Variants in ADAM7 observed in about 807,000 individuals in gnomAD.
The protein encoded by ADAM7 is disintegrin and metalloproteinase domain-containing protein 7.
ADAM7 carries 97 observed loss-of-function variants against 102.9 expected under a neutral mutation model. That is an observed-to-expected ratio of 0.94 (90% CI 0.80 to 1.12). The LOEUF (loss-of-function observed/expected upper bound fraction) is 1.12. Ranked by LOEUF, ADAM7 falls within the 50% of genes most tolerant of loss-of-function variation. The probability of loss-of-function intolerance (pLI) is 0.00; values close to 1 mark genes in which losing one functional copy is unlikely to be tolerated. For missense variants in ADAM7, 991 were observed against 908.7 expected (o/e 1.09, Z -1.16); for synonymous variants, 334 against 304.4 (o/e 1.10, Z -1.01).
chr8:24,454,926 G>A (rs1302175939), intron 3 of ADAM7, among the ~76,000 whole-genome samples: 4 of 152,116 alleles, frequency 2.6e-5, no homozygotes, highest in African/African-American at 4.8e-5. Context: ...CTGTGGAAAC[G>A]TTGATTGGGT....
Position 24,493,230 on chromosome 8 carries a change from G to T in ADAM7, c.1842+1G>T. Reference sequence around the variant, plus strand: ...AGGAACAAAATGTGGAGAGGGAATGGTAAGACAAAAGCCCTTTGTTTTATT... The same window carrying T: ...AGGAACAAAATGTGGAGAGGGAATGTTAAGACAAAAGCCCTTTGTTTTATT... On this transcript the variant is annotated splice_donor_variant, in intron 16 of 21. Coordinates refer to ENST00000175238, the MANE Select transcript of ADAM7 (RefSeq NM_003817.4). LOFTEE classifies it high-confidence loss of function. 2 of 1,592,030 alleles carry T rather than the reference G, an allele frequency of 1.3e-6. No homozygotes were observed. The highest frequency in any genetic ancestry group is 2.3e-5 in the South Asian group (2 of 86,570).
At position 24,493,066 on chromosome 8, in the gene ADAM7, A is replaced by G. The variant is rs749974238; in HGVS notation, c.1679A>G (p.Tyr560Cys). 5 of 1,598,902 alleles carry G rather than the reference A, an allele frequency of 3.1e-6. No individual in the cohort carries two copies. In the African/African-American group the frequency reaches 4.1e-5, roughly 13 times the overall value. The change falls in exon 16 of 22, where the codon TAC (tyrosine) becomes TGC (cysteine). Residue 560 changes from tyrosine to cysteine, a missense_variant. Physicochemically the swap from Tyr to Cys is radical, Grantham distance 194 (BLOSUM62 -2). Coordinates refer to ENST00000175238, the MANE Select transcript of ADAM7 (RefSeq NM_003817.4). ...AGAGATGTCAGATGTGGAAAGATCTACTGCACTGGAGGGGAGCTTTCCTCT... is the reference window on the plus strand; with the variant it reads ...AGAGATGTCAGATGTGGAAAGATCTGCTGCACTGGAGGGGAGCTTTCCTCT... ...EEKDVRCGKI[Y>C]CTGGELSSLL...
At position 24,441,157 on chromosome 8, in the gene ADAM7, A is replaced by C; in HGVS notation, c.49A>C (p.Lys17Gln). The C allele has an allele frequency of 6.2e-7, 1 of 1,612,528 alleles. No individual in the cohort carries two copies. Among genetic ancestry groups the C allele is most frequent in the Non-Finnish European group, 8.5e-7 (1 of 1,178,520 alleles). ...GATGATTTTACTCATTCCTCAGGTT[A>C]AAGGTATGTCTTGCTCTTTTTATCA... ...FLMILLIPQV[K>Q]EKFILGVEGQ... Residue 17 changes from lysine to glutamine, a missense_variant, in exon 1 of 22, where the codon AAA becomes CAA. Physicochemically the swap from Lys to Gln is moderately conservative, Grantham distance 53 (BLOSUM62 1). Coordinates refer to ENST00000175238, the MANE Select transcript of ADAM7 (RefSeq NM_003817.4).
intron 16 of ADAM7, among the ~76,000 whole-genome samples, chr8:24,496,332 T>A (rs553125323): frequency 5.3e-5 from 8 of 152,310 alleles, no homozygotes; most frequent in Admixed American, 4.6e-4. Flanking sequence ...TCATGGAGAA[T>A]CTCTGCTAGG....
chr8:24,466,991 G>A lies in ADAM7; in HGVS notation c.579+3G>A. ...CTGAAGAAGACTCCAAAATAAAAGT[G>A]AGTACTTTATTATTATCTTTACCCC... On this transcript the variant is annotated splice_donor_region_variant and intron_variant, in intron 6 of 21. Coordinates refer to ENST00000175238, the MANE Select transcript of ADAM7 (RefSeq NM_003817.4). 3 of 1,605,818 alleles carry A rather than the reference G, an allele frequency of 1.9e-6. No individual in the cohort carries two copies. The South Asian group carries it at 3.3e-5, about 18-fold the overall frequency.
chr8:24,482,213 A>C lies in ADAM7; in HGVS notation c.777A>C (p.Glu259Asp). The C allele has an allele frequency of 6.2e-7, 1 of 1,608,350 alleles. No homozygotes were observed. Among genetic ancestry groups the C allele is most frequent in the Non-Finnish European group, 8.5e-7 (1 of 1,177,422 alleles). ...IEIWTHEDKIELYSNIETTLL... is the reference protein window; with the variant it reads ...IEIWTHEDKIDLYSNIETTLL... ...TATGGACACATGAAGATAAAATAGA[A>C]CTATATTCAAATATAGAAACTACCT... The change falls in exon 9 of 22, where the codon GAA becomes GAC. Residue 259 changes from glutamate to aspartate, a missense_variant. Transcript: ENST00000175238.
At chr8:24,480,872 C>CCAA (rs755718029) in intron 8 of ADAM7, among the ~76,000 whole-genome samples, 23 of 151,554 alleles carry the variant, frequency 1.5e-4, no homozygotes, top group Non-Finnish European at 2.1e-4. Flanking sequence ...AGACATCGTC[C>CCAA]CAACAACAAC....
At chr8:24,477,199 A>AT (rs1168273193) in intron 8 of ADAM7, among the ~76,000 whole-genome samples, 3 of 152,168 alleles carry the variant, frequency 2.0e-5, no homozygotes, top group African/African-American at 4.8e-5. Context: ...AATTTCATTT[A>AT]TTTTTTGTAA....
At chr8:24,457,349 C>T (rs1404659697) in intron 3 of ADAM7, among the ~76,000 whole-genome samples, 1 of 152,038 alleles carries the variant, frequency 6.6e-6, no homozygotes, top group African/African-American at 2.4e-5. Flanking sequence ...GATCTTGGCT[C>T]ACTGCAACCT....
At chr8:24,447,649 G>A (rs1053215482) in intron 3 of ADAM7, among the ~76,000 whole-genome samples, 5 of 152,128 alleles carry the variant, frequency 3.3e-5, no homozygotes, top group African/African-American at 1.2e-4. Context: ...CCATTGCAGA[G>A]TAAACTAAGA....
chr8:24,503,087 A>C (rs899259228), intron 20 of ADAM7, among the ~76,000 whole-genome samples: 1 of 152,230 alleles, frequency 6.6e-6, no homozygotes, highest in East Asian at 1.9e-4. Flanking sequence ...TTAACATTCA[A>C]AAAAGCAATG....
At chr8:24,441,721 A>G (rs938699981) in intron 1 of ADAM7, among the ~76,000 whole-genome samples, 21 of 152,246 alleles carry the variant, frequency 1.4e-4, no homozygotes. Flanking sequence ...GCTACCCAAA[A>G]TTCTTTAACA....
intron 3 of ADAM7, among the ~76,000 whole-genome samples, chr8:24,461,954 A>G (rs950514572): frequency 1.3e-5 from 2 of 152,218 alleles, no homozygotes; most frequent in Admixed American, 6.5e-5. Context: ...TGTAATTTCA[A>G]CTTCTAGATT....
chr8:24,481,760 T>G (rs1034096389), intron 8 of ADAM7, among the ~76,000 whole-genome samples: 1 of 152,182 alleles, frequency 6.6e-6, no homozygotes, highest in Non-Finnish European at 1.5e-5. Flanking sequence ...ACACTTGGCC[T>G]GAAGTATGAA....
intron 16 of ADAM7, 129 bp downstream of exon 16, chr8:24,493,358 T>A: frequency 1.2e-6 from 1 of 803,110 alleles, no homozygotes; most frequent in Non-Finnish European, 1.8e-6. Flanking sequence ...AGTATTTTTT[T>A]AATGAGGAGC....
At chr8:24,458,459 A>C (rs939632729) in intron 3 of ADAM7, among the ~76,000 whole-genome samples, 3 of 152,028 alleles carry the variant, frequency 2.0e-5, no homozygotes, top group African/African-American at 7.2e-5. Flanking sequence ...TTTTTCTATG[A>C]TTTGTGTCTA....
At chr8:24,442,166 T>G (rs1818397588) in intron 1 of ADAM7, among the ~76,000 whole-genome samples, 1 of 151,942 alleles carries the variant, frequency 6.6e-6, no homozygotes, top group South Asian at 2.1e-4. Flanking sequence ...AGAGCGAGAC[T>G]CTGTCTCAAA....
chr8:24,444,451 A>G (rs1015808241), intron 2 of ADAM7, among the ~76,000 whole-genome samples: 3 of 151,888 alleles, frequency 2.0e-5, no homozygotes, highest in Non-Finnish European at 2.9e-5. Context: ...GGGGGGAAAG[A>G]GTCATTTTAC....
intron 16 of ADAM7, among the ~76,000 whole-genome samples, chr8:24,498,266 T>G (rs1033551618): frequency 6.6e-6 from 1 of 151,700 alleles, no homozygotes; most frequent in African/African-American, 2.4e-5. Flanking sequence ...TAGTATCTGA[T>G]TTACTCAATC....
Sources: allele counts gnomAD v4.1 joint callset (sites outside exome capture counted in the v4.1 genomes callset), GRCh38; gene constraint gnomAD v4.1.1; transcripts MANE v1.5; gene names NCBI Gene and HGNC (gene_info 2026-07-23, HGNC 2026-07-21).